Variants in MBP observed in about 807,000 individuals in gnomAD.
MBP encodes Golli-MBP.
MBP carries 16 observed loss-of-function variants against 35.8 expected under a neutral mutation model. That is an observed-to-expected ratio of 0.45 (90% CI 0.30 to 0.68). The LOEUF is 0.68. Among genes scored for constraint, MBP ranks in the 30% least tolerant of loss-of-function variants. The pLI is 0.08. For missense variants in MBP, 380 were observed against 404.7 expected, an observed-to-expected ratio of 0.94 and a Z score of 0.52; for synonymous variants, 143 against 159.6, an observed-to-expected ratio of 0.90 and a Z score of 0.78.
chr18:77,100,202 C>T (rs1269096530), intron 2 of MBP, among the ~76,000 whole-genome samples: 1 of 152,150 alleles, frequency 6.6e-6, no homozygotes. Context: ...TGATGCTGTC[C>T]TTCTAAGCAG....
intron 3 of MBP, among the ~76,000 whole-genome samples, chr18:77,025,495 A>G (rs1467713384): frequency 2.0e-5 from 3 of 151,850 alleles, no homozygotes; most frequent in Admixed American, 6.6e-5. Flanking sequence ...CGAGTCCCAC[A>G]CTCCAGGACA....
intron 4 of MBP, chr18:77,004,632 C>T (rs939552952): frequency 8.5e-5 from 13 of 152,360 alleles, no homozygotes; most frequent in Admixed American, 7.8e-4. Flanking sequence ...ATGCAGATTT[C>T]AGGTAACCTG....
intron 1 of MBP, among the ~76,000 whole-genome samples, chr18:77,130,923 G>C (rs1268642365): frequency 6.6e-6 from 1 of 151,170 alleles, no homozygotes; most frequent in Non-Finnish European, 1.5e-5. Flanking sequence ...CCCGGAGTTA[G>C]TAGAAGTGGT....
chr18:77,120,725 C>G (rs561093277), intron 1 of MBP, among the ~76,000 whole-genome samples: 1 of 152,238 alleles, frequency 6.6e-6, no homozygotes, highest in East Asian at 1.9e-4. Flanking sequence ...CGTTACCGAC[C>G]TTTGGAGCTG....
chr18:77,078,711 G>A (rs1974762564), intron 2 of MBP, among the ~76,000 whole-genome samples: 1 of 152,250 alleles, frequency 6.6e-6, no homozygotes, highest in South Asian at 2.1e-4. Flanking sequence ...CAGAGTGGGG[G>A]CACATTCCTG....
chr18:77,065,507 T>C (rs966571467), intron 3 of MBP, among the ~76,000 whole-genome samples: 6 of 152,174 alleles, frequency 3.9e-5, no homozygotes, highest in African/African-American at 1.4e-4. Flanking sequence ...CACAAAAATA[T>C]GTAAAGGCAA....
At chr18:77,051,275 C>T (rs568630044) in intron 3 of MBP, among the ~76,000 whole-genome samples, 7 of 152,168 alleles carry the variant, frequency 4.6e-5, no homozygotes, top group South Asian at 2.1e-4. Flanking sequence ...GCCCAAATTA[C>T]GAGGTTCTTA....
rs538347233 is a variant in MBP, at chr18:77,018,759, T to C, written c.140-1491A>G. ...CTCCATCTATCCACTCATCCATCCATCCATCCATCCATCCATCCATCCACA... is the reference window on the plus strand; with the variant it reads ...CTCCATCTATCCACTCATCCATCCACCCATCCATCCATCCATCCATCCACA... On this transcript the variant is annotated intron_variant, in intron 3 of 8. Coordinates refer to ENST00000355994, the MANE Select transcript of MBP (RefSeq NM_001025101.2). Among the ~76,000 whole-genome samples, 250 of 144,924 alleles carry C rather than the reference T, an allele frequency of 1.7e-3. 3 individuals are homozygous for C. Among genetic ancestry groups the C allele is most frequent in the Middle Eastern group, 0.014 (4 of 286 alleles).
At chr18:77,081,795 TATATATATATGCACACACATATATACAC>T (rs1974930722) in intron 2 of MBP, among the ~76,000 whole-genome samples, 1 of 51,806 alleles carries the variant, frequency 1.9e-5, no homozygotes, top group South Asian at 6.4e-4. Flanking sequence ...CACACACACG[TATATATATATGCACACACATATATACAC>T]ACACACACAC....
intron 4 of MBP, chr18:77,016,006 A>G (rs1971602286): frequency 5.1e-6 from 5 of 985,438 alleles, no homozygotes; most frequent in Non-Finnish European, 6.0e-6. Context: ...TTACACAACC[A>G]CCAAACACTC....
chr18:77,089,975 CAG>C (rs1183907825), intron 2 of MBP, among the ~76,000 whole-genome samples: 4 of 152,268 alleles, frequency 2.6e-5, no homozygotes, highest in African/African-American at 9.6e-5. Flanking sequence ...ACAGATCAGA[CAG>C]TACTGCTGGT....
intron 1 of MBP, among the ~76,000 whole-genome samples, chr18:77,126,410 A>C (rs1412699871): frequency 1.3e-5 from 2 of 152,214 alleles, no homozygotes; most frequent in African/African-American, 4.8e-5. Flanking sequence ...CTTGATAAAG[A>C]ACATCCATAA....
intron 3 of MBP, among the ~76,000 whole-genome samples, chr18:77,052,746 C>G (rs1394886503): frequency 3.9e-5 from 6 of 152,178 alleles, no homozygotes; most frequent in Admixed American, 1.3e-4. Context: ...AGCCACTATC[C>G]TCGCCTTGGG....
Position 76,989,205 on chromosome 18 carries a change from C to A in MBP, c.682-293G>T. 1.7e-6 allele frequency: 1 copy of A among 595,320 alleles called. No individual in the cohort carries two copies. The highest frequency in any genetic ancestry group is 3.1e-6 in the Non-Finnish European group (1 of 323,268). The allele number at this position is 595,320 out of a possible 1,614,324, so 36.9% of individuals were successfully genotyped here. A position where few individuals can be genotyped will look rare whatever the true frequency, so the allele number is the denominator to read the frequency against. On this transcript the variant is annotated intron_variant, in intron 5 of 8. Coordinates refer to ENST00000355994, the MANE Select transcript of MBP (RefSeq NM_001025101.2). This position sits in a 1 kb window ranked among gnomAD's most constrained non-coding sequence, Gnocchi z 4.0. ...GCCCATCTTGGGACACTGAGGGAGG[C>A]GGCGGACTTTGCTTCACCGTGAGCC...
At position 76,990,904 on chromosome 18, in the gene MBP, G is replaced by T. The variant is rs371094797; in HGVS notation, c.577-844C>A. 444 of 318,294 alleles carry T rather than the reference G, an allele frequency of 1.4e-3. 7 individuals are homozygous for T. The highest frequency in any genetic ancestry group is 1.0e-2 in the South Asian group (436 of 43,792). 19.7% of individuals were successfully genotyped at this position (318,294 alleles called of 1,614,324 possible). A position where few individuals can be genotyped will look rare whatever the true frequency, so the allele number is the denominator to read the frequency against. On this transcript the variant is annotated intron_variant, in intron 4 of 8. Transcript: ENST00000355994. Reference sequence around the variant, plus strand: ...GAGAGATTTCTATCACCGACTCAGTGTGCGGCTCTCCTGAAGGTGAACAAG... The same window carrying T: ...GAGAGATTTCTATCACCGACTCAGTTTGCGGCTCTCCTGAAGGTGAACAAG...
intron 2 of MBP, among the ~76,000 whole-genome samples, chr18:77,089,694 T>C (rs1056545609): frequency 6.6e-6 from 1 of 152,242 alleles, no homozygotes; most frequent in African/African-American, 2.4e-5. Flanking sequence ...GAGGCTACAG[T>C]ACTTTTCAGG....
intron 7 of MBP, chr18:76,985,251 A>C: frequency 1.5e-6 from 2 of 1,348,986 alleles, no homozygotes; most frequent in Non-Finnish European, 2.0e-6. Flanking sequence ...CATCAAGCAA[A>C]TCAAGGTAAG....
At chr18:77,105,097 G>A (rs1420380984) in intron 2 of MBP, 114 bp downstream of exon 2, 2 of 742,394 alleles carry the variant, frequency 2.7e-6, no homozygotes, top group Non-Finnish European at 2.3e-6. Context: ...CCACCCAGCT[G>A]TCAGGGAAGA....
At chr18:77,010,012 A>T (rs1259131969) in intron 4 of MBP, 1 of 967,836 alleles carries the variant, frequency 1.0e-6, no homozygotes, top group African/African-American at 1.6e-5. Flanking sequence ...TCTCCTCTAG[A>T]GCTGGCTTGG....
Sources: gnomAD v4.1 joint callset for allele counts (sites outside exome capture counted in the v4.1 genomes callset) on GRCh38, gnomAD v4.1.1 for gene constraint, Gnocchi (gnomAD v3.1) non-coding constraint, MANE v1.5 for transcripts, NCBI Gene and HGNC (gene_info 2026-07-23, HGNC 2026-07-21) for gene names.